The following GATAD2A variants were observed in gnomAD, a reference collection of about 807,000 sequenced individuals.
The protein encoded by GATAD2A is transcriptional repressor p66-alpha.
Under a neutral mutation model 68.5 loss-of-function variants are expected in GATAD2A, and 12 were observed. That is an observed-to-expected ratio of 0.18 (90% CI 0.11 to 0.28). The LOEUF is 0.28. Among genes scored for constraint, GATAD2A ranks in the 10% least tolerant of loss-of-function variants. GATAD2A has a pLI of 1.00. For missense variants in GATAD2A, 755 were observed against 868.5 expected (o/e 0.87, Z 1.64); for synonymous variants, 410 against 375.3 (o/e 1.09, Z -1.07).
At chr19:19,492,248 G>T in intron 2 of GATAD2A, 58 bp from the exon 3 acceptor site, 3 of 1,547,716 alleles carry the variant, frequency 1.9e-6, no homozygotes, top group Middle Eastern at 1.7e-4. Flanking sequence ...GTCCACAGGG[G>T]TGGGCACTGG....
intron 2 of GATAD2A, chr19:19,472,704 T>G (rs1489387638): frequency 6.6e-6 from 1 of 152,040 alleles, no homozygotes; most frequent in African/African-American, 2.4e-5. Flanking sequence ...CCAGGGGTCC[T>G]GCAACTGAAA....
At chr19:19,415,454 CTT>C (rs770091753) in intron 1 of GATAD2A, among the ~76,000 whole-genome samples, 2 of 138,524 alleles carry the variant, frequency 1.4e-5, no homozygotes. Flanking sequence ...CACGCCCAGC[CTT>C]TTTTTTTTTT....
intron 1 of GATAD2A, among the ~76,000 whole-genome samples, chr19:19,431,035 G>A (rs1432499000): frequency 1.4e-5 from 2 of 147,552 alleles, no homozygotes; most frequent in Non-Finnish European, 3.0e-5. Flanking sequence ...CAGGTGCAAG[G>A]TCAAAGCCAA....
intron 1 of GATAD2A, among the ~76,000 whole-genome samples, chr19:19,395,646 C>A (rs2049176768): frequency 6.6e-6 from 1 of 152,170 alleles, no homozygotes; most frequent in Non-Finnish European, 1.5e-5. Flanking sequence ...CAGTGTTCCC[C>A]TCGGGAGCTT....
At chr19:19,469,433 A>AAAAAAAAAAAAG (rs1027977197) in intron 2 of GATAD2A, among the ~76,000 whole-genome samples, 1 of 151,854 alleles carries the variant, frequency 6.6e-6, no homozygotes, top group East Asian at 1.9e-4. Flanking sequence ...CTCCATCTCA[A>AAAAAAAAAAAAG]AAAAAAAGAA....
intron 2 of GATAD2A, among the ~76,000 whole-genome samples, chr19:19,490,611 T>A (rs959072076): frequency 2.0e-5 from 3 of 151,954 alleles, no homozygotes; most frequent in African/African-American, 7.3e-5. Flanking sequence ...ACAAAAAAAA[T>A]GGACTTGATT....
intron 1 of GATAD2A, among the ~76,000 whole-genome samples, chr19:19,431,387 C>T (rs2053727488): frequency 6.6e-6 from 1 of 150,990 alleles, no homozygotes; most frequent in Admixed American, 6.6e-5. Context: ...TATCCCTGCT[C>T]GTCCATTCAA....
intron 1 of GATAD2A, among the ~76,000 whole-genome samples, chr19:19,433,297 G>A (rs2053950176): frequency 1.3e-5 from 2 of 152,096 alleles, no homozygotes; most frequent in African/African-American, 2.4e-5. Flanking sequence ...TATTTTGTCA[G>A]TCTGCTTGTC....
intron 1 of GATAD2A, among the ~76,000 whole-genome samples, chr19:19,413,702 A>G (rs1013449665): frequency 2.0e-5 from 3 of 152,032 alleles, no homozygotes; most frequent in African/African-American, 7.3e-5. Flanking sequence ...CTCCTGCCTC[A>G]GCCTCCCGAG....
At chr19:19,386,703 G>T (rs1032881043) in intron 1 of GATAD2A, among the ~76,000 whole-genome samples, 4 of 151,662 alleles carry the variant, frequency 2.6e-5, no homozygotes, top group African/African-American at 9.7e-5. Context: ...CTCTCTAGGC[G>T]ACCCTGCTTC....
intron 2 of GATAD2A, among the ~76,000 whole-genome samples, chr19:19,490,226 T>C (rs2059697741): frequency 6.6e-6 from 1 of 152,084 alleles, no homozygotes; most frequent in African/African-American, 2.4e-5. Context: ...AGCCACCACG[T>C]AGCTGTGGTG....
chr19:19,432,068 C>T (rs976912170), intron 1 of GATAD2A, among the ~76,000 whole-genome samples: 9 of 152,086 alleles, frequency 5.9e-5, no homozygotes, highest in Non-Finnish European at 7.4e-5. Context: ...CTCCATCTCC[C>T]GGGTTCAAGT....
chr19:19,490,845 A>G (rs1000319011), intron 2 of GATAD2A, among the ~76,000 whole-genome samples: 3 of 152,182 alleles, frequency 2.0e-5, no homozygotes, highest in Admixed American at 6.5e-5. Context: ...AGATTGCACT[A>G]CGGCACTCCA....
At chr19:19,479,586 C>T (rs2058910199) in intron 2 of GATAD2A, among the ~76,000 whole-genome samples, 1 of 152,174 alleles carries the variant, frequency 6.6e-6, no homozygotes, top group African/African-American at 2.4e-5. Flanking sequence ...AATGTCAGTG[C>T]ATTGGGATTT....
chr19:19,464,365 A>G (rs925235029), intron 1 of GATAD2A, among the ~76,000 whole-genome samples: 4 of 152,196 alleles, frequency 2.6e-5, no homozygotes, highest in Admixed American at 2.6e-4. Flanking sequence ...CTCTGTCTCA[A>G]TTCCTGTGCC....
At chr19:19,469,562 C>T (rs2058120522) in intron 2 of GATAD2A, among the ~76,000 whole-genome samples, 2 of 152,082 alleles carry the variant, frequency 1.3e-5, no homozygotes, top group South Asian at 4.1e-4. Flanking sequence ...AACAAAATGG[C>T]AAATGTCAAT....
chr19:19,502,312 C>T lies in GATAD2A; in HGVS notation c.1579-19C>T. On this transcript the variant is annotated intron_variant, in intron 10 of 11. Transcript: ENST00000683918. ...GTCTTTTCCCTGCATGAGCCGTCAC[C>T]CCCCTTTCTCCACTGCAGGCCTCCA... 1 of 1,582,556 alleles carries T rather than the reference C, an allele frequency of 6.3e-7. No homozygotes were observed. The highest frequency in any genetic ancestry group is 8.6e-7 in the Non-Finnish European group (1 of 1,156,402).
At chr19:19,502,925 G>A (rs1019166657) in intron 11 of GATAD2A, among the ~76,000 whole-genome samples, 4 of 152,164 alleles carry the variant, frequency 2.6e-5, no homozygotes, top group South Asian at 2.1e-4. Flanking sequence ...TCCATGCTGC[G>A]GTCACACTGA....
chr19:19,489,404 GT>G (rs1941876729), intron 2 of GATAD2A, among the ~76,000 whole-genome samples: 1 of 152,264 alleles, frequency 6.6e-6, no homozygotes, highest in African/African-American at 2.4e-5. Context: ...GGAAGGCACA[GT>G]TAAAGGGTCA....
Sources: gnomAD v4.1 joint callset for allele counts (sites outside exome capture counted in the v4.1 genomes callset) on GRCh38, gnomAD v4.1.1 for gene constraint, MANE v1.5 for transcripts, NCBI Gene and HGNC (gene_info 2026-07-23, HGNC 2026-07-21) for gene names.